Variants in CNTNAP2 observed in about 807,000 individuals in gnomAD.
CNTNAP2 encodes the protein contactin associated protein 2.
In CNTNAP2, 98 loss-of-function variants were observed where a neutral mutation model predicts 155.2. The observed-to-expected ratio is 0.63, with a 90% CI of 0.54 to 0.75. CNTNAP2 has a LOEUF of 0.75. Among genes scored for constraint, CNTNAP2 ranks in the 30% least tolerant of loss-of-function variants. The probability of loss-of-function intolerance (pLI) is 0.00; values close to 1 mark genes in which losing one functional copy is unlikely to be tolerated. For synonymous variants in CNTNAP2, 651 were observed against 631.2 expected (o/e 1.03, Z -0.47); for missense variants, 1,727 against 1,688.1 (o/e 1.02, Z -0.40).
chr7:147,015,290 G>A (rs117199755), intron 3 of CNTNAP2, among the ~76,000 whole-genome samples: 1,793 of 152,096 alleles, frequency 0.012, 18 homozygotes, highest in Middle Eastern at 0.051. Flanking sequence ...GACAGAGTAG[G>A]GTTACTGGGG....
At chr7:147,329,730 T>G (rs826788) in intron 9 of CNTNAP2, among the ~76,000 whole-genome samples, 56,485 of 150,924 alleles carry the variant, frequency 0.37, 11,154 homozygotes, top group African/African-American at 0.51. Context: ...ATATCTCAAT[T>G]TTTTTTTTCT....
intron 13 of CNTNAP2, among the ~76,000 whole-genome samples, chr7:147,723,793 G>C (rs191417367): frequency 6.8e-4 from 104 of 152,126 alleles, no homozygotes; most frequent in Admixed American, 4.0e-3. Flanking sequence ...GGTACAATGT[G>C]ATGTTTCAGT....
In CNTNAP2 at chr7:148,147,517, G is replaced by A; in HGVS notation, c.2581G>A (p.Asp861Asn). 1.2e-6 allele frequency: 2 copies of A among 1,614,080 alleles called. No individual in the cohort carries two copies. The highest frequency in any genetic ancestry group is 1.3e-5 in the African/African-American group (1 of 75,000). Residue 861 changes from aspartate to asparagine, a missense_variant, in exon 17 of 24, where the codon GAT (aspartate) becomes AAT (asparagine). Transcript: ENST00000361727. ...KSATEVSFSF[D>N]VGNGPVEIVV... Reference sequence around the variant, plus strand: ...TGCCACAGAAGTGTCCTTTTCATTTGATGTGGGAAATGGGCCAGTAGAGAT... The same window carrying A: ...TGCCACAGAAGTGTCCTTTTCATTTAATGTGGGAAATGGGCCAGTAGAGAT...
intron 21 of CNTNAP2, among the ~76,000 whole-genome samples, chr7:148,334,425 A>C (rs1433572155): frequency 1.3e-5 from 2 of 152,186 alleles, no homozygotes; most frequent in Non-Finnish European, 2.9e-5. Flanking sequence ...CTATAAGCAA[A>C]AATCTAAATT....
intron 1 of CNTNAP2, among the ~76,000 whole-genome samples, chr7:146,231,102 A>G (rs976099722): frequency 6.6e-6 from 1 of 152,198 alleles, no homozygotes; most frequent in Non-Finnish European, 1.5e-5. Context: ...CCTTATAAGC[A>G]TTCATTAATT....
chr7:147,970,186 C>G (rs923636751), intron 14 of CNTNAP2, among the ~76,000 whole-genome samples: 1 of 151,908 alleles, frequency 6.6e-6, no homozygotes, highest in Non-Finnish European at 1.5e-5. Context: ...GCTGGGATTA[C>G]AAGCATGAGA....
intron 3 of CNTNAP2, among the ~76,000 whole-genome samples, chr7:146,904,807 T>A (rs112237583): frequency 0.014 from 2,206 of 152,262 alleles, 58 homozygotes; most frequent in African/African-American, 0.05. Flanking sequence ...TCAGCTCTTG[T>A]CACTGACTGT....
intron 13 of CNTNAP2, among the ~76,000 whole-genome samples, chr7:147,654,759 A>G (rs1795499347): frequency 6.6e-6 from 1 of 151,834 alleles, no homozygotes; most frequent in South Asian, 2.1e-4. Context: ...ACTCAGATCC[A>G]TCAAAGAAAT....
chr7:147,732,192 C>A (rs1433816158), intron 13 of CNTNAP2, among the ~76,000 whole-genome samples: 3 of 125,046 alleles, frequency 2.4e-5, no homozygotes, highest in African/African-American at 9.0e-5. Flanking sequence ...CCCCCCCCCA[C>A]CACCCCCATG....
intron 8 of CNTNAP2, among the ~76,000 whole-genome samples, chr7:147,200,066 TC>T (rs1347709504): frequency 2.0e-4 from 24 of 122,962 alleles, no homozygotes; most frequent in Middle Eastern, 7.4e-3. Flanking sequence ...CCCCTCCCCC[TC>T]CCCCTCCTCC....
intron 1 of CNTNAP2, among the ~76,000 whole-genome samples, chr7:146,602,743 G>A (rs768158461): frequency 5.3e-5 from 8 of 152,118 alleles, no homozygotes; most frequent in Non-Finnish European, 1.2e-4. Flanking sequence ...AGTTGTGCTA[G>A]GAGTCTCCTT....
At chr7:147,055,864 G>T (rs573846641) in intron 4 of CNTNAP2, among the ~76,000 whole-genome samples, 1 of 152,102 alleles carries the variant, frequency 6.6e-6, no homozygotes, top group East Asian at 1.9e-4. Context: ...GGACATATCC[G>T]CAGGAACAAA....
chr7:147,569,719 C>A (rs776252174), intron 12 of CNTNAP2, among the ~76,000 whole-genome samples: 3 of 152,166 alleles, frequency 2.0e-5, no homozygotes, highest in Non-Finnish European at 4.4e-5. Flanking sequence ...TTCTCAGAAC[C>A]TATGCCTGTT....
intron 21 of CNTNAP2, among the ~76,000 whole-genome samples, chr7:148,342,182 G>T (rs540548962): frequency 6.6e-6 from 1 of 152,142 alleles, no homozygotes. Context: ...AAACAGACTC[G>T]CCACCAGGCT....
chr7:147,093,983 C>T (rs1388301178), intron 4 of CNTNAP2, among the ~76,000 whole-genome samples: 1 of 152,194 alleles, frequency 6.6e-6, no homozygotes, highest in African/African-American at 2.4e-5. Flanking sequence ...TGGTTCTCTG[C>T]AGTAGCCCCA....
chr7:147,360,321 C>G (rs1019486104), intron 9 of CNTNAP2, among the ~76,000 whole-genome samples: 12 of 151,994 alleles, frequency 7.9e-5, no homozygotes. Context: ...TATGATATTT[C>G]AGTATGTTAA....
In CNTNAP2 at chr7:147,613,127, G is replaced by C. The variant is rs181024473; in HGVS notation, c.1898-25979G>C. 2.4e-4 allele frequency among the ~76,000 whole-genome samples: 37 copies of C among 152,188 alleles called. No homozygotes were observed. In the East Asian group the frequency reaches 6.6e-3, roughly 27 times the overall value. On this transcript the variant is annotated intron_variant, in intron 12 of 23. Coordinates refer to ENST00000361727, the MANE Select transcript of CNTNAP2 (RefSeq NM_014141.6). The stretch of plus-strand genomic sequence containing the variant: ...AATAGCTCCAAGAATCAGGGTATAG[G>C]TGTTCATATCCTCAAGAACTCTGGA...
intron 1 of CNTNAP2, among the ~76,000 whole-genome samples, chr7:146,128,268 G>T (rs1797666217): frequency 6.6e-6 from 1 of 152,154 alleles, no homozygotes; most frequent in African/African-American, 2.4e-5. Context: ...TGTACTGGTT[G>T]CATTATACCA....
At chr7:146,601,387 A>G (rs1798947214) in intron 1 of CNTNAP2, among the ~76,000 whole-genome samples, 1 of 152,074 alleles carries the variant, frequency 6.6e-6, no homozygotes, top group Non-Finnish European at 1.5e-5. Context: ...TTGTCACCTA[A>G]ACAGTCAGGG....
Sources: gnomAD v4.1 joint callset for allele counts (sites outside exome capture counted in the v4.1 genomes callset) on GRCh38, gnomAD v4.1.1 for gene constraint, MANE v1.5 for transcripts, NCBI Gene and HGNC (gene_info 2026-07-23, HGNC 2026-07-21) for gene names.